HYDIN: variants seen among roughly 807,000 people sequenced by gnomAD.
The protein encoded by HYDIN is axonemal central pair apparatus protein HYDIN.
HYDIN carries 132 observed loss-of-function variants against 403.9 expected under a neutral mutation model. The observed-to-expected ratio is 0.33, with a 90% CI of 0.28 to 0.38. The LOEUF (loss-of-function observed/expected upper bound fraction) is 0.38. Ranked by LOEUF, HYDIN falls within the 10% of genes least tolerant of loss-of-function variation. The pLI is 1.00. For missense variants in HYDIN, 2,827 were observed against 5,009.5 expected, an observed-to-expected ratio of 0.56 and a Z score of 13.15; for synonymous variants, 1,202 against 1,891.7, an observed-to-expected ratio of 0.64 and a Z score of 9.46.
intron 10 of HYDIN, among the ~76,000 whole-genome samples, chr16:71,114,478 C>G (rs1315081408): frequency 6.6e-6 from 1 of 151,940 alleles, no homozygotes; most frequent in African/African-American, 2.4e-5. Flanking sequence ...CTTTCCCTAC[C>G]TTGGTCCTGA....
At chr16:71,066,977 T>G (rs1193723961) in intron 15 of HYDIN, 2 of 687,142 alleles carry the variant, frequency 2.9e-6, no homozygotes, top group Non-Finnish European at 5.3e-6. Context: ...TCTTCACCTC[T>G]TCCTGCTAAA....
intron 83 of HYDIN, among the ~76,000 whole-genome samples, chr16:70,824,532 C>CTTT (rs11452010): frequency 6.9e-6 from 1 of 145,582 alleles, no homozygotes; most frequent in African/African-American, 2.5e-5. Flanking sequence ...CTTTGATTCA[C>CTTT]TTTTTTTTTT....
intron 1 of HYDIN, among the ~76,000 whole-genome samples, chr16:71,192,908 A>G (rs1327599112): frequency 6.6e-6 from 1 of 152,150 alleles, no homozygotes; most frequent in Non-Finnish European, 1.5e-5. Context: ...ATGCCAGCCT[A>G]TTTCATACCT....
At chr16:71,102,617 T>A (rs112972328) in intron 10 of HYDIN, among the ~76,000 whole-genome samples, 1 of 151,288 alleles carries the variant, frequency 6.6e-6, no homozygotes, top group Non-Finnish European at 1.5e-5. Context: ...AAATGTATTG[T>A]GTGTTACAGC....
chr16:70,872,714 C>CCAT, intron 64 of HYDIN, among the ~76,000 whole-genome samples: 1 of 128,438 alleles, frequency 7.8e-6, no homozygotes, highest in South Asian at 2.7e-4. Flanking sequence ...ACCCATCCAT[C>CCAT]CATCCATCCA....
chr16:70,803,417 G>A lies in HYDIN; in HGVS notation c.*4163C>T, dbSNP rs2034977808. Reference sequence around the variant, plus strand: ...CCTTCCACCCTTGTTCCTCTTCTCTGACCTGTGACCATTCCTGTTGAAACT... The same window carrying A: ...CCTTCCACCCTTGTTCCTCTTCTCTAACCTGTGACCATTCCTGTTGAAACT... On this transcript the variant is annotated 3_prime_UTR_variant, in exon 86 of 86. Coordinates refer to ENST00000393567, the MANE Select transcript of HYDIN (RefSeq NM_001270974.2). 6.6e-6 allele frequency among the ~76,000 whole-genome samples: 1 copy of A among 152,168 alleles called. No individual in the cohort carries two copies. The highest frequency in any genetic ancestry group is 1.5e-5 in the Non-Finnish European group (1 of 68,016).
intron 5 of HYDIN, among the ~76,000 whole-genome samples, chr16:71,163,245 C>T (rs1005998098): frequency 1.4e-4 from 21 of 151,698 alleles, no homozygotes; most frequent in Non-Finnish European, 7.4e-5. Flanking sequence ...GCCTCGGCCT[C>T]CCGAGTAGCT....
At chr16:71,005,545 G>C (rs1343729375) in intron 23 of HYDIN, among the ~76,000 whole-genome samples, 3 of 152,070 alleles carry the variant, frequency 2.0e-5, no homozygotes, top group Non-Finnish European at 4.4e-5. Context: ...AATATCTCTT[G>C]TTTAAGTCAC....
chr16:70,971,144 T>C (rs1300095456), intron 35 of HYDIN, among the ~76,000 whole-genome samples: 7 of 152,172 alleles, frequency 4.6e-5, no homozygotes, highest in Non-Finnish European at 8.8e-5. Flanking sequence ...CTGCTGTCCA[T>C]GGGCAGGGGA....
At chr16:71,073,920 A>G (rs879114365) in intron 13 of HYDIN, among the ~76,000 whole-genome samples, 1 of 152,188 alleles carries the variant, frequency 6.6e-6, no homozygotes, top group African/African-American at 2.4e-5. Flanking sequence ...TCCTACCATC[A>G]AAAATCTTTA....
chr16:71,020,195 G>A lies in HYDIN; in HGVS notation c.3309C>T (p.Ser1103=), dbSNP rs756262693. The part of the protein sequence containing the change: ...GPFFICETDK[S]LLPATPEPIK... ...GTACCTCAGGAGTTGCCGGCAGCAG[G>A]GATTTATCAGTCTCACATATAAAGA... Residue 1103 remains serine, a synonymous_variant, in exon 22 of 86, where the codon TCC becomes TCT. Transcript: ENST00000393567. 1.2e-6 allele frequency: 2 copies of A among 1,613,654 alleles called. No individual in the cohort carries two copies. The highest frequency in any genetic ancestry group is 1.1e-5 in the South Asian group (1 of 90,908).
In HYDIN at chr16:71,073,918, T is replaced by C. The variant is rs552566440; in HGVS notation, c.1739-4416A>G. 3.9e-5 allele frequency among the ~76,000 whole-genome samples: 6 copies of C among 152,292 alleles called. No homozygotes were observed. The South Asian group carries it at 1.0e-3, about 26-fold the overall frequency. ...GGTCATCCAACATCCAATCCTACCATCAAAAATCTTTATAGCCATAGAAAT... is the reference window on the plus strand; with the variant it reads ...GGTCATCCAACATCCAATCCTACCACCAAAAATCTTTATAGCCATAGAAAT... On this transcript the variant is annotated intron_variant, in intron 13 of 85. Coordinates refer to ENST00000393567, the MANE Select transcript of HYDIN (RefSeq NM_001270974.2).
At chr16:70,838,625 G>A (rs115009617) in intron 76 of HYDIN, among the ~76,000 whole-genome samples, 2,666 of 152,192 alleles carry the variant, frequency 0.018, 69 homozygotes, top group African/African-American at 0.061. Flanking sequence ...GTCAGGCAGA[G>A]AGGAGTCTGG....
chr16:71,021,362 A>C (rs2144127526), intron 21 of HYDIN, among the ~76,000 whole-genome samples: 1 of 151,384 alleles, frequency 6.6e-6, no homozygotes, highest in African/African-American at 2.4e-5. Context: ...GATTACAGGC[A>C]CGTGCCACCA....
intron 7 of HYDIN, among the ~76,000 whole-genome samples, chr16:71,139,541 T>A (rs1240037863): frequency 1.3e-5 from 2 of 151,578 alleles, no homozygotes; most frequent in Non-Finnish European, 2.9e-5. Context: ...ATCAATAAGA[T>A]CTTTAAAAAT....
intron 16 of HYDIN, 49 bp from the exon 17 acceptor site, chr16:71,062,382 A>G (rs750644746): frequency 1.4e-6 from 2 of 1,462,136 alleles, no homozygotes; most frequent in Non-Finnish European, 1.9e-6. Context: ...CATGGAACAA[A>G]TAGCGTATTT....
At chr16:70,817,262 T>C (rs576836310) in intron 84 of HYDIN, 9 of 151,972 alleles carry the variant, frequency 5.9e-5, no homozygotes, top group South Asian at 2.1e-4. Context: ...TCATCACTAA[T>C]TGGCAATTAC....
At chr16:71,041,763 G>T (rs1174139310) in intron 18 of HYDIN, among the ~76,000 whole-genome samples, 1 of 151,464 alleles carries the variant, frequency 6.6e-6, no homozygotes, top group Non-Finnish European at 1.5e-5. Flanking sequence ...ACTTCTGTTT[G>T]TTCTATAAAG....
At position 70,868,585 on chromosome 16, in the gene HYDIN, G is replaced by A. The variant is rs577085246; in HGVS notation, c.11295C>T (p.Phe3765=). The A allele has an allele frequency of 6.2e-7, 1 of 1,611,734 alleles. No homozygotes were observed. Among genetic ancestry groups the A allele is most frequent in the African/African-American group, 1.3e-5 (1 of 74,680 alleles). ...CCCCACTTACTTTTCGTTTTGTAGTGAAAGTCCCAGGCATGTTTCTGGGTA... is the reference window on the plus strand; with the variant it reads ...CCCCACTTACTTTTCGTTTTGTAGTAAAAGTCCCAGGCATGTTTCTGGGTA... ...VDVPRNMPGT[F]TTKRKVIETD... is the part of the protein sequence containing the mutation. Residue 3765 remains phenylalanine, a synonymous_variant, in exon 66 of 86, where the codon TTC becomes TTT. Transcript: ENST00000393567.
Sources: allele counts gnomAD v4.1 joint callset (sites outside exome capture counted in the v4.1 genomes callset), GRCh38; gene constraint gnomAD v4.1.1; transcripts MANE v1.5; gene names NCBI Gene and HGNC (gene_info 2026-07-23, HGNC 2026-07-21).